LYST: variants seen among roughly 807,000 people sequenced by gnomAD.
The protein encoded by LYST is lysosomal trafficking regulator, also known as lysosomal-trafficking regulator.
In LYST, 192 loss-of-function variants were observed where a neutral mutation model predicts 413.6. The observed-to-expected ratio is 0.46, with a 90% confidence interval of 0.41 to 0.52. LYST has a LOEUF of 0.52. Ranked by LOEUF, LYST falls within the 20% of genes least tolerant of loss-of-function variation. The pLI is 0.00. For synonymous variants in LYST, 1,525 were observed against 1,567.3 expected (o/e 0.97, Z 0.64); for missense variants, 3,815 against 4,499.9 (o/e 0.85, Z 4.35).
At chr1:235,715,494 A>G (rs1662760835) in intron 41 of LYST, 137 bp from the exon 42 acceptor site, 4 of 781,672 alleles carry the variant, frequency 5.1e-6, no homozygotes, top group Admixed American at 4.2e-5. Context: ...TCCCACTCTT[A>G]CCCAGGAGAC....
chr1:235,801,148 T>G (rs758501976), intron 8 of LYST, 51 bp from the exon 9 acceptor site: 2 of 1,132,862 alleles, frequency 1.8e-6, no homozygotes, highest in South Asian at 2.5e-5. Flanking sequence ...CACTAAATAT[T>G]TCAAACTTCA....
chr1:235,791,313 G>C (rs1430908400), intron 12 of LYST, among the ~76,000 whole-genome samples: 3 of 151,506 alleles, frequency 2.0e-5, no homozygotes. Context: ...AAGGAAATGG[G>C]GACTGTCTAA....
intron 1 of LYST, among the ~76,000 whole-genome samples, chr1:235,881,456 C>T (rs909782069): frequency 5.9e-5 from 9 of 152,174 alleles, no homozygotes; most frequent in African/African-American, 2.2e-4. Flanking sequence ...ACCATACCAT[C>T]CAACAATTCC....
intron 20 of LYST, among the ~76,000 whole-genome samples, chr1:235,768,781 G>A (rs1668379574): frequency 6.6e-6 from 1 of 151,944 alleles, no homozygotes; most frequent in African/African-American, 2.4e-5. Flanking sequence ...TTTCAAAATG[G>A]ACATGCGAAG....
rs1305544814 is a variant in LYST at position 235,800,317 on chromosome 1, T to C, written c.4006+3A>G. 6.4e-7 allele frequency: 1 copy of C among 1,562,348 alleles called. No homozygotes were observed. The highest frequency in any genetic ancestry group is 2.2e-5 in the East Asian group (1 of 44,564). On this transcript the variant is annotated splice_donor_region_variant and intron_variant, in intron 10 of 52. Coordinates refer to ENST00000389793, the MANE Select transcript of LYST (RefSeq NM_000081.4). The stretch of plus-strand genomic sequence containing the variant: ...GCTATTGTTTAAAACAGTTTCAACT[T>C]ACCTTGAAAATCAGAATCATCCTGT...
chr1:235,715,144 G>A lies in LYST; in HGVS notation c.9784+57C>T. On this transcript the variant is annotated intron_variant, in intron 42 of 52. Transcript: ENST00000389793. Reference sequence around the variant, plus strand: ...ATGTCAGTCCTAAGTTGTTGTTGTTGTTGTTGTTGTTTCTGATGACCCAAC... The same window carrying A: ...ATGTCAGTCCTAAGTTGTTGTTGTTATTGTTGTTGTTTCTGATGACCCAAC... 7.7e-6 allele frequency: 10 copies of A among 1,293,670 alleles called. No individual in the cohort carries two copies. In the South Asian group the frequency reaches 1.2e-4, roughly 15 times the overall value. 80.1% of individuals were successfully genotyped at this position (1,293,670 alleles called of 1,614,324 possible). A position where few individuals can be genotyped will look rare whatever the true frequency, so the allele number is the denominator to read the frequency against.
intron 6 of LYST, among the ~76,000 whole-genome samples, chr1:235,805,094 G>GT (rs1672665977): frequency 1.3e-5 from 2 of 152,200 alleles, no homozygotes; most frequent in Admixed American, 1.3e-4. Context: ...ACAGTTAGGT[G>GT]TAAGTTAGTG....
At chr1:235,802,853 C>T in intron 8 of LYST, 55 bp downstream of exon 8, 1 of 1,546,964 alleles carries the variant, frequency 6.5e-7, no homozygotes, top group Non-Finnish European at 8.9e-7. Context: ...AACCATTTTG[C>T]TATTTAATGA....
Position 235,741,575 on chromosome 1 carries a change from A to C in LYST, c.8205T>G (p.Ser2735=), listed in dbSNP as rs147539199. ...GCTGCATTCGGAAGGTCTCCTTACA[A>C]GACCACAGAATTTTAGTCCATTGCT... ...SKQQWTKILW[S]CKETFRMQLG... The change falls in exon 31 of 53, where the codon TCT becomes TCG. Residue 2735 remains serine (S), a synonymous_variant. Coordinates refer to ENST00000389793, the MANE Select transcript of LYST (RefSeq NM_000081.4). 6.0e-5 allele frequency: 97 copies of C among 1,614,066 alleles called. No homozygotes were observed. The highest frequency in any genetic ancestry group is 7.6e-5 in the Non-Finnish European group (90 of 1,180,022).
intron 45 of LYST, among the ~76,000 whole-genome samples, chr1:235,699,254 G>A (rs6685268): frequency 0.044 from 6,666 of 152,016 alleles, 508 homozygotes; most frequent in African/African-American, 0.15. Context: ...ACTCCACCGC[G>A]TGGCCCCAGG....
intron 45 of LYST, 103 bp from the exon 46 acceptor site, chr1:235,697,375 T>A: frequency 1.2e-6 from 1 of 832,568 alleles, no homozygotes; most frequent in Non-Finnish European, 1.9e-6. Context: ...TAATATGGAT[T>A]ATAAGCTCTG....
intron 41 of LYST, 54 bp from the exon 42 acceptor site, chr1:235,715,411 T>G: frequency 6.4e-7 from 1 of 1,563,696 alleles, no homozygotes; most frequent in Non-Finnish European, 8.8e-7. Context: ...CAGGCAACGC[T>G]AGAAAAGTGC....
intron 3 of LYST, among the ~76,000 whole-genome samples, chr1:235,820,626 C>G (rs1674655081): frequency 6.6e-6 from 1 of 152,124 alleles, no homozygotes; most frequent in Non-Finnish European, 1.5e-5. Flanking sequence ...CTGCCTTGGC[C>G]TCTCAAAGTG....
intron 16 of LYST, among the ~76,000 whole-genome samples, chr1:235,778,808 A>C (rs866865455): frequency 2.0e-5 from 3 of 152,072 alleles, no homozygotes; most frequent in African/African-American, 7.2e-5. Flanking sequence ...TCAAACCTGC[A>C]GTAGTTTCAA....
chr1:235,698,601 G>A (rs778075887), intron 45 of LYST, among the ~76,000 whole-genome samples: 10 of 152,144 alleles, frequency 6.6e-5, no homozygotes, highest in Non-Finnish European at 1.5e-4. Context: ...GCCGGGCGCG[G>A]TGGCTCAAGC....
intron 1 of LYST, among the ~76,000 whole-genome samples, chr1:235,839,091 T>C (rs1572417120): frequency 6.6e-6 from 1 of 151,976 alleles, no homozygotes; most frequent in Non-Finnish European, 1.5e-5. Context: ...TCCCAAAGTG[T>C]TGGGATTACA....
intron 1 of LYST, among the ~76,000 whole-genome samples, chr1:235,863,253 G>A (rs1466605577): frequency 5.9e-5 from 9 of 151,450 alleles, no homozygotes; most frequent in Admixed American, 2.6e-4. Flanking sequence ...TCAGCCGGGT[G>A]TGGTGGCACA....
Position 235,686,756 on chromosome 1 carries a change from GACT to G in LYST, c.10800+190_10800+192del, listed in dbSNP as rs2103057981. Among the ~76,000 whole-genome samples, 1 of 152,224 alleles carries G rather than the reference GACT, an allele frequency of 6.6e-6. No homozygotes were observed. Among genetic ancestry groups the G allele is most frequent in the South Asian group, 2.1e-4 (1 of 4,824 alleles). ...AAATACCGTCTCTGAAAAAAAATGG[GACT>G]ACTACAATTGTTTTCAAGATTTTTC... On this transcript the variant is annotated intron_variant, in intron 48 of 52. Transcript: ENST00000389793. This position sits in a 1 kb window ranked among gnomAD's most constrained non-coding sequence, Gnocchi z 4.0.
chr1:235,839,300 A>C (rs760263846), intron 1 of LYST, among the ~76,000 whole-genome samples: 26 of 151,112 alleles, frequency 1.7e-4, no homozygotes, highest in Admixed American at 7.2e-4. Context: ...TCTGTCGCCC[A>C]GGATGGAGTG....
Sources: allele counts gnomAD v4.1 joint callset (sites outside exome capture counted in the v4.1 genomes callset), GRCh38; gene constraint gnomAD v4.1.1; non-coding constraint Gnocchi (gnomAD v3.1); transcripts MANE v1.5; gene names NCBI Gene and HGNC (gene_info 2026-07-23, HGNC 2026-07-21).